Variants in MOCS1 observed in about 807,000 individuals in gnomAD.
MOCS1 encodes the protein molybdenum cofactor biosynthesis protein 1.
MOCS1 carries 39 observed loss-of-function variants against 57.6 expected under a neutral mutation model. That is an observed-to-expected ratio of 0.68 (90% CI 0.52 to 0.88). The LOEUF is 0.88. MOCS1 is among the 40% of genes least tolerant of loss of function. The pLI is 0.00. For missense variants in MOCS1, 795 were observed against 831.1 expected (o/e 0.96, Z 0.53); for synonymous variants, 334 against 335.7 (o/e 1.00, Z 0.05).
In MOCS1 at chr6:39,927,539, T is replaced by G. The variant is rs755976293; in HGVS notation, c.124-84A>C. On this transcript the variant is annotated intron_variant, in intron 1 of 10. Coordinates refer to ENST00000340692, the MANE Select transcript of MOCS1 (RefSeq NM_001358530.2). ...CAAGGAGAACCGCCTGCCCCCTCCC[T>G]TACTCTGACATCTGTGCGGAGCTTC... The G allele has an allele frequency of 5.0e-6, 8 of 1,611,172 alleles. No homozygotes were observed. In the Admixed American group the frequency reaches 1.2e-4, roughly 24 times the overall value.
At chr6:39,908,979 G>A (rs1767124741) in intron 10 of MOCS1, 76 bp downstream of exon 10, 1 of 1,218,876 alleles carries the variant, frequency 8.2e-7, no homozygotes, top group Non-Finnish European at 1.2e-6. Context: ...AGCTGGGGGT[G>A]CCTATGGCAC....
At position 39,913,354 on chromosome 6, in the gene MOCS1, G is replaced by C. The variant is rs548975858; in HGVS notation, c.720C>G (p.Pro240=). The C allele has an allele frequency of 1.4e-5, 23 of 1,614,086 alleles. No homozygotes were observed. In the East Asian group the frequency reaches 4.9e-4, roughly 34 times the overall value. The change falls in exon 6 of 11, where the codon CCC becomes CCG. Residue 240 remains proline (P), a synonymous_variant. Coordinates refer to ENST00000340692, the MANE Select transcript of MOCS1 (RefSeq NM_001358530.2). The stretch of plus-strand genomic sequence containing the variant: ...TATACTCTATGAAGCGCACATCCAG[G>C]GGGAGGCCCTCAGTCAAGGCCGCAA... ...LDFAALTEGL[P]LDVRFIEYMP...
chr6:39,904,487 T>TAA lies in MOCS1; in HGVS notation c.*1868_*1869dup, dbSNP rs1259142655. On this transcript the variant is annotated 3_prime_UTR_variant, in exon 11 of 11. Coordinates refer to ENST00000340692, the MANE Select transcript of MOCS1 (RefSeq NM_001358530.2). The stretch of plus-strand genomic sequence containing the variant: ...CCCCACTGCTCCTGCCACCTTTAGA[T>TAA]AAGTTTCTCTAGCTAATTTTGTGGC... 6.6e-6 allele frequency: 3 copies of TAA among 454,188 alleles called. No individual in the cohort carries two copies. Among genetic ancestry groups the TAA allele is most frequent in the Non-Finnish European group, 1.3e-5 (3 of 226,966 alleles). 28.1% of individuals were successfully genotyped at this position (454,188 alleles called of 1,614,324 possible).
intron 1 of MOCS1, among the ~76,000 whole-genome samples, chr6:39,931,773 G>T (rs1768654942): frequency 6.6e-6 from 1 of 152,050 alleles, no homozygotes; most frequent in South Asian, 2.1e-4. Context: ...TGAACAGATG[G>T]GTGCCTTTGC....
At position 39,906,611 on chromosome 6, in the gene MOCS1, G is replaced by A. The variant is rs767914870; in HGVS notation, c.1657C>T (p.Leu553=). ...TGGCTCAGGGCCACGTGGTGGCACA[G>A]AGGGATCAGCTGGCTGGTCACCTTG... is the stretch of plus-strand genomic sequence containing the variant. ...AAKVTSQLIP[L]CHHVALSHIQ... Residue 553 remains leucine (L), a synonymous_variant, in exon 11 of 11, where the codon CTG becomes TTG. Transcript: ENST00000340692. 3.1e-6 allele frequency: 5 copies of A among 1,613,808 alleles called. No individual in the cohort carries two copies. In the African/African-American group the frequency reaches 6.7e-5, roughly 22 times the overall value.
At chr6:39,907,918 A>G (rs916108536) in intron 10 of MOCS1, among the ~76,000 whole-genome samples, 9 of 152,328 alleles carry the variant, frequency 5.9e-5, no homozygotes, top group Non-Finnish European at 1.0e-4. Context: ...TGGTTACTCA[A>G]TATCTCTGAA....
At chr6:39,907,669 A>T (rs139163360) in intron 10 of MOCS1, among the ~76,000 whole-genome samples, 12 of 152,204 alleles carry the variant, frequency 7.9e-5, no homozygotes, top group Admixed American at 2.6e-4. Context: ...TGACGGGCTA[A>T]TTCAGATGGT....
chr6:39,930,590 G>A (rs559149723), intron 1 of MOCS1, among the ~76,000 whole-genome samples: 3 of 152,164 alleles, frequency 2.0e-5, no homozygotes, highest in African/African-American at 7.2e-5. Flanking sequence ...TGGTATAGTG[G>A]TTTGAAACCC....
chr6:39,920,978 A>C lies in MOCS1; in HGVS notation c.418+4700T>G, dbSNP rs1169520423. ...GCAACAGAGCTAGATCCGGTCTCCC[A>C]AAAAAAAAAGGGGGGGGGACAGGGC... is the stretch of plus-strand genomic sequence containing the variant. On this transcript the variant is annotated intron_variant, in intron 3 of 10. Transcript: ENST00000340692. Among the ~76,000 whole-genome samples the C allele has an allele frequency of 6.2e-5, 9 of 145,988 alleles. No individual in the cohort carries two copies. In the East Asian group the frequency reaches 8.1e-4, roughly 13 times the overall value.
intron 4 of MOCS1, among the ~76,000 whole-genome samples, chr6:39,914,238 G>C (rs1433682190): frequency 6.6e-6 from 1 of 152,216 alleles, no homozygotes; most frequent in African/African-American, 2.4e-5. Context: ...CAGGCAGGGG[G>C]CTAGATGTGG....
chr6:39,921,125 C>T (rs1243562934), intron 3 of MOCS1, among the ~76,000 whole-genome samples: 5 of 150,688 alleles, frequency 3.3e-5, no homozygotes, highest in Middle Eastern at 3.4e-3. Context: ...AATGGCTGGG[C>T]GCAGTGGCTC....
intron 2 of MOCS1, chr6:39,927,104 TC>T: frequency 1.8e-6 from 1 of 554,246 alleles, no homozygotes; most frequent in Admixed American, 3.1e-5. Context: ...ATTTATGTTT[TC>T]AAATCTAATT....
In MOCS1 at chr6:39,904,956, G is replaced by C; in HGVS notation, c.*1401C>G. ...TGGAGCCAGCTTGTACCAGCTCTGT[G>C]AGAACCAATTGTTTACATTTTCAGA... On this transcript the variant is annotated 3_prime_UTR_variant, in exon 11 of 11. Transcript: ENST00000340692. 2.2e-6 allele frequency: 1 copy of C among 454,008 alleles called. No individual in the cohort carries two copies. The highest frequency in any genetic ancestry group is 4.4e-6 in the Non-Finnish European group (1 of 226,792). 28.1% of individuals were successfully genotyped at this position (454,008 alleles called of 1,614,324 possible). A position where few individuals can be genotyped will look rare whatever the true frequency, so the allele number is the denominator to read the frequency against.
rs774364301 is a variant in MOCS1 at position 39,916,184 on chromosome 6, T to C, written c.467A>G (p.Asn156Ser). 5.6e-6 allele frequency: 9 copies of C among 1,613,840 alleles called. No individual in the cohort carries two copies. In the South Asian group the frequency reaches 7.7e-5, roughly 14 times the overall value. Reference protein sequence around the residue: ...EGLRTIGVTTNGINLARLLPQ... With the variant: ...EGLRTIGVTTSGINLARLLPQ... ...CAGTAGCCGGGCCAGGTTGATGCCA[T>C]TGGTGGTAACACCTATGGTTCTCAG... Residue 156 changes from asparagine to serine, a missense_variant, in exon 4 of 11, where the codon AAT becomes AGT. By Grantham distance (46) the Asn-to-Ser change is conservative. Transcript: ENST00000340692.
At chr6:39,913,895 C>T (rs748085236) in intron 4 of MOCS1, 60 bp from the exon 5 acceptor site, 214 of 1,539,296 alleles carry the variant, frequency 1.4e-4, no homozygotes, top group Non-Finnish European at 1.8e-4. Context: ...CCCCACACCC[C>T]CACAGAAAAG....
At chr6:39,924,794 C>T (rs1479819256) in intron 3 of MOCS1, among the ~76,000 whole-genome samples, 1 of 152,040 alleles carries the variant, frequency 6.6e-6, no homozygotes, top group Non-Finnish European at 1.5e-5. Context: ...GCATAAAAAC[C>T]ATGGCAGGAT....
intron 1 of MOCS1, chr6:39,927,684 C>T (rs890261895): frequency 1.4e-5 from 22 of 1,544,166 alleles, no homozygotes; most frequent in Middle Eastern, 1.8e-4. Flanking sequence ...GGGTCGGGGG[C>T]GGATGGTGAT....
Position 39,904,813 on chromosome 6 carries a change from T to C in MOCS1, c.*1544A>G, listed in dbSNP as rs1435071723. ...CAGTGTCCTTTTTCACTTGCACCTT[T>C]TTTATAAGAATATATTGTAATACTA... On this transcript the variant is annotated 3_prime_UTR_variant, in exon 11 of 11. Coordinates refer to ENST00000340692, the MANE Select transcript of MOCS1 (RefSeq NM_001358530.2). 1 of 454,010 alleles carries C rather than the reference T, an allele frequency of 2.2e-6. No individual in the cohort carries two copies. The highest frequency in any genetic ancestry group is 2.0e-5 in the African/African-American group (1 of 50,018). The allele number at this position is 454,010 out of a possible 1,614,324, so 28.1% of individuals were successfully genotyped here.
chr6:39,921,315 C>T (rs113830642), intron 3 of MOCS1, among the ~76,000 whole-genome samples: 134 of 151,812 alleles, frequency 8.8e-4, no homozygotes, highest in African/African-American at 3.0e-3. Flanking sequence ...GGGAGAATGG[C>T]GTGAACCTGG....
Sources: allele counts gnomAD v4.1 joint callset (sites outside exome capture counted in the v4.1 genomes callset), GRCh38; gene constraint gnomAD v4.1.1; transcripts MANE v1.5; gene names NCBI Gene and HGNC (gene_info 2026-07-23, HGNC 2026-07-21).